The following GTF2F2 variants were observed in gnomAD, a reference collection of about 807,000 sequenced individuals.
GTF2F2 encodes the protein general transcription factor IIF subunit 2.
Under a neutral mutation model 42.2 loss-of-function variants are expected in GTF2F2, and 23 were observed. The ratio of observed to expected loss-of-function variants is 0.55; its 90% CI spans 0.39 to 0.77. The LOEUF is 0.77. Ranked by LOEUF, GTF2F2 falls within the 30% of genes least tolerant of loss-of-function variation. The probability of loss-of-function intolerance (pLI) is 0.00; values close to 1 mark genes in which losing one functional copy is unlikely to be tolerated. For synonymous variants in GTF2F2, 105 were observed against 100.8 expected, an observed-to-expected ratio of 1.04 and a Z score of -0.25; for missense variants, 261 against 287.2, an observed-to-expected ratio of 0.91 and a Z score of 0.66.
At chr13:45,169,046 G>A (rs1871464531) in intron 4 of GTF2F2, among the ~76,000 whole-genome samples, 1 of 150,544 alleles carries the variant, frequency 6.6e-6, no homozygotes, top group Non-Finnish European at 1.5e-5. Flanking sequence ...CCCAGGCTGG[G>A]ATTTCTCCAT....
At chr13:45,186,135 C>T (rs537003143) in intron 4 of GTF2F2, among the ~76,000 whole-genome samples, 2 of 151,852 alleles carry the variant, frequency 1.3e-5, no homozygotes, top group Non-Finnish European at 2.9e-5. Context: ...CCACCATGCC[C>T]AGCTAAGTTT....
intron 1 of GTF2F2, among the ~76,000 whole-genome samples, chr13:45,121,633 A>T: frequency 6.6e-6 from 1 of 152,182 alleles, no homozygotes; most frequent in East Asian, 1.9e-4. Context: ...TTTTGTGTTC[A>T]TATGTTCAAA....
At chr13:45,127,748 T>C (rs1484625680) in intron 1 of GTF2F2, among the ~76,000 whole-genome samples, 1 of 151,952 alleles carries the variant, frequency 6.6e-6, no homozygotes, top group East Asian at 1.9e-4. Context: ...TTCTCCTGTC[T>C]CAGTCTCCCG....
chr13:45,124,530 G>A (rs1868869387), intron 1 of GTF2F2, among the ~76,000 whole-genome samples: 2 of 151,660 alleles, frequency 1.3e-5, no homozygotes, highest in Non-Finnish European at 2.9e-5. Flanking sequence ...GCTAATTTTT[G>A]TATTTTTAGT....
chr13:45,165,227 A>G (rs1008854855), intron 4 of GTF2F2, among the ~76,000 whole-genome samples: 2 of 149,628 alleles, frequency 1.3e-5, no homozygotes, highest in Non-Finnish European at 3.0e-5. Context: ...TGTGGAATAG[A>G]ATGGAAAAAA....
intron 4 of GTF2F2, among the ~76,000 whole-genome samples, chr13:45,183,534 A>G (rs1234460743): frequency 6.6e-6 from 1 of 152,168 alleles, no homozygotes; most frequent in Non-Finnish European, 1.5e-5. Flanking sequence ...CTTTGCTTAC[A>G]TTCCACTAGT....
intron 7 of GTF2F2, among the ~76,000 whole-genome samples, chr13:45,270,240 A>G (rs1158143317): frequency 6.6e-6 from 1 of 152,192 alleles, no homozygotes; most frequent in East Asian, 1.9e-4. Context: ...AGAAAGAGTG[A>G]AAGTTACTCA....
At chr13:45,187,557 T>C (rs1045400730) in intron 4 of GTF2F2, among the ~76,000 whole-genome samples, 10 of 152,242 alleles carry the variant, frequency 6.6e-5, no homozygotes, top group African/African-American at 2.4e-4. Context: ...TTTAGATTCA[T>C]CTTAAATATT....
At chr13:45,279,803 G>A (rs753969776) in intron 7 of GTF2F2, among the ~76,000 whole-genome samples, 6 of 152,070 alleles carry the variant, frequency 3.9e-5, no homozygotes, top group Non-Finnish European at 8.8e-5. Context: ...TACTCGGGAG[G>A]CTGAGGCAGG....
At chr13:45,235,468 C>T (rs1171502639) in intron 5 of GTF2F2, among the ~76,000 whole-genome samples, 1 of 151,190 alleles carries the variant, frequency 6.6e-6, no homozygotes, top group Non-Finnish European at 1.5e-5. Context: ...TAGTGGGAGG[C>T]ACTTATCTTT....
chr13:45,261,443 A>AAAC lies in GTF2F2; in HGVS notation c.487-5789_487-5788insACA, dbSNP rs774449019. 3.5e-3 allele frequency among the ~76,000 whole-genome samples: 512 copies of AAAC among 146,504 alleles called. 11 individuals carry two copies. Among genetic ancestry groups the AAAC allele is most frequent in the Middle Eastern group, 7.0e-3 (2 of 284 alleles). ...TCCATCTCAAAAAAAAAAAAAAAAAAAGAATAATTTGTGTTCTGTTGTGAA... is the reference window on the plus strand; with the variant it reads ...TCCATCTCAAAAAAAAAAAAAAAAAAAACAGAATAATTTGTGTTCTGTTGTGAA... On this transcript the variant is annotated intron_variant, in intron 6 of 7. Transcript: ENST00000340473.
chr13:45,165,200 CTATA>C (rs200923811), intron 4 of GTF2F2, among the ~76,000 whole-genome samples: 1 of 147,476 alleles, frequency 6.8e-6, no homozygotes, highest in Non-Finnish European at 1.5e-5. Flanking sequence ...ATATAGATAT[CTATA>C]TATTCATATA....
At chr13:45,153,604 GT>G (rs1272494978) in intron 4 of GTF2F2, among the ~76,000 whole-genome samples, 1 of 152,118 alleles carries the variant, frequency 6.6e-6, no homozygotes, top group Non-Finnish European at 1.5e-5. Flanking sequence ...GTGCTACATA[GT>G]TCAGGGCATA....
intron 7 of GTF2F2, among the ~76,000 whole-genome samples, chr13:45,282,067 G>C (rs1427544447): frequency 1.3e-5 from 2 of 152,056 alleles, no homozygotes; most frequent in South Asian, 2.1e-4. Context: ...TGGGCGTGGT[G>C]GCATGCGCCT....
At chr13:45,155,450 T>C (rs9595250) in intron 4 of GTF2F2, among the ~76,000 whole-genome samples, 23,840 of 152,196 alleles carry the variant, frequency 0.16, 2,357 homozygotes, top group Non-Finnish European at 0.22. Context: ...AGTTTTAGTT[T>C]TAATAACTTT....
chr13:45,153,931 T>C (rs9526040), intron 4 of GTF2F2, among the ~76,000 whole-genome samples: 34,288 of 142,368 alleles, frequency 0.24, 4,287 homozygotes, highest in African/African-American at 0.33. Flanking sequence ...GAGCCAAGAT[T>C]GCACCACTGT....
intron 3 of GTF2F2, among the ~76,000 whole-genome samples, chr13:45,150,577 C>G (rs9562596): frequency 6.6e-6 from 1 of 150,824 alleles, no homozygotes; most frequent in African/African-American, 2.5e-5. Context: ...GCCAGGCACT[C>G]TGCTAGATCT....
intron 7 of GTF2F2, among the ~76,000 whole-genome samples, chr13:45,280,643 G>A (rs956917030): frequency 1.3e-5 from 2 of 152,074 alleles, no homozygotes; most frequent in African/African-American, 4.8e-5. Flanking sequence ...TGACACCTTC[G>A]TTTATAAAAA....
intron 4 of GTF2F2, among the ~76,000 whole-genome samples, chr13:45,199,640 T>C (rs983628478): frequency 5.9e-5 from 9 of 152,236 alleles, no homozygotes; most frequent in Non-Finnish European, 1.2e-4. Flanking sequence ...TGTACAGAAC[T>C]CATTTTTATA....
Sources: allele counts gnomAD v4.1 joint callset (sites outside exome capture counted in the v4.1 genomes callset), GRCh38; gene constraint gnomAD v4.1.1; transcripts MANE v1.5; gene names NCBI Gene and HGNC (gene_info 2026-07-23, HGNC 2026-07-21).